F3: variants seen among roughly 807,000 people sequenced by gnomAD.
F3 encodes tissue factor.
Under a neutral mutation model 33.5 loss-of-function variants are expected in F3, and 18 were observed. The ratio of observed to expected loss-of-function variants is 0.54; its 90% CI spans 0.37 to 0.80. The LOEUF (loss-of-function observed/expected upper bound fraction) is 0.80, where lower values mean the gene tolerates loss of function less well. F3 is among the 30% of genes least tolerant of loss of function. The pLI, the probability that F3 is intolerant of heterozygous loss-of-function variation, is 0.00. For missense variants in F3, 353 were observed against 362.1 expected, an observed-to-expected ratio of 0.97 and a Z score of 0.20; for synonymous variants, 147 against 140.7, an observed-to-expected ratio of 1.05 and a Z score of -0.32.
At chr1:94,541,440 GC>G in intron 1 of F3, 96 bp downstream of exon 1, 2 of 985,602 alleles carry the variant, frequency 2.0e-6, no homozygotes, top group Non-Finnish European at 2.8e-6. Flanking sequence ...CAACATGGGC[GC>G]CCCGGGGAAC....
At chr1:94,535,745 G>A (rs1300700447) in intron 3 of F3, among the ~76,000 whole-genome samples, 1 of 152,074 alleles carries the variant, frequency 6.6e-6, no homozygotes, top group Admixed American at 6.5e-5. Flanking sequence ...GACAGACTGG[G>A]GGAGAAAGTT....
At chr1:94,533,334 T>G (rs932466419) in intron 3 of F3, 66 bp from the exon 4 acceptor site, 172 of 1,549,142 alleles carry the variant, frequency 1.1e-4, no homozygotes, top group Non-Finnish European at 1.3e-4. Flanking sequence ...TCCTGTTTTG[T>G]TATCACAATT....
At chr1:94,536,825 C>T (rs983530193) in intron 2 of F3, among the ~76,000 whole-genome samples, 3 of 152,212 alleles carry the variant, frequency 2.0e-5, no homozygotes, top group Admixed American at 2.0e-4. Flanking sequence ...TACATATATT[C>T]TCTCATGACC....
At chr1:94,535,824 G>A (rs994119722) in intron 3 of F3, 141 bp downstream of exon 3, 8 of 742,636 alleles carry the variant, frequency 1.1e-5, no homozygotes, top group Non-Finnish European at 1.8e-5. Context: ...TGGAATGTGT[G>A]AAGAGGGCTG....
At position 94,530,213 on chromosome 1, in the gene F3, A is replaced by G; in HGVS notation, c.*247T>C. On this transcript the variant is annotated 3_prime_UTR_variant, in exon 6 of 6. Coordinates refer to ENST00000334047, the MANE Select transcript of F3 (RefSeq NM_001993.5). ...TAATCTAAAGCATGTTATGTGCAAAAGGTGCCATGGTGTTAAAAATTAAAA... is the reference window on the plus strand; with the variant it reads ...TAATCTAAAGCATGTTATGTGCAAAGGGTGCCATGGTGTTAAAAATTAAAA... 2.5e-6 allele frequency: 1 copy of G among 393,428 alleles called. No individual in the cohort carries two copies. The highest frequency in any genetic ancestry group is 2.0e-5 in the African/African-American group (1 of 49,898). 24.4% of individuals were successfully genotyped at this position (393,428 alleles called of 1,614,324 possible). A position where few individuals can be genotyped will look rare whatever the true frequency, so the allele number is the denominator to read the frequency against.
chr1:94,540,649 T>C (rs1651744098), intron 1 of F3: 1 of 347,856 alleles, frequency 2.9e-6, no homozygotes. Flanking sequence ...TGTTATAACT[T>C]GACCGGGAAG....
chr1:94,532,351 A>G lies in F3; in HGVS notation c.721T>C (p.Cys241Arg), dbSNP rs779735894. The change falls in exon 5 of 6, where the codon TGT becomes CGT. Residue 241 changes from cysteine (C) to arginine (R), a missense_variant. Transcript: ENST00000334047. Reference sequence around the variant, plus strand: ...AATTCCCCTTTCTCCTGGCCCATACACTCTACCGGGCTGTCTGTACTCTTC... The same window carrying G: ...AATTCCCCTTTCTCCTGGCCCATACGCTCTACCGGGCTGTCTGTACTCTTC... The part of the protein sequence containing the change: ...NRKSTDSPVE[C>R]MGQEKGEFRE... 5.6e-6 allele frequency: 9 copies of G among 1,613,644 alleles called. No homozygotes were observed. Among genetic ancestry groups the G allele is most frequent in the Non-Finnish European group, 6.8e-6 (8 of 1,179,924 alleles).
rs1651379037 is a variant in F3 at position 94,530,223 on chromosome 1, G to T, written c.*237C>A. The T allele has an allele frequency of 2.3e-6, 1 of 441,302 alleles. No homozygotes were observed. Among genetic ancestry groups the T allele is most frequent in the African/African-American group, 2.0e-5 (1 of 51,232 alleles). The allele number at this position is 441,302 out of a possible 1,614,324, so 27.3% of individuals were successfully genotyped here. ...CATGTTATGTGCAAAAGGTGCCATG[G>T]TGTTAAAAATTAAAACTTGGAATTG... On this transcript the variant is annotated 3_prime_UTR_variant, in exon 6 of 6. Coordinates refer to ENST00000334047, the MANE Select transcript of F3 (RefSeq NM_001993.5).
chr1:94,535,681 G>A (rs935793314), intron 3 of F3, among the ~76,000 whole-genome samples: 3 of 151,772 alleles, frequency 2.0e-5, no homozygotes, highest in Non-Finnish European at 2.9e-5. Flanking sequence ...TCCCTGGCCC[G>A]CCCTCTCCCA....
Position 94,533,336 on chromosome 1 carries a change from A to G in F3, c.413-68T>C, listed in dbSNP as rs3917626. ...GTACAAAGTCAAATCCTGTTTTGTTATCACAATTGACAACTTAATTATCTC... is the reference window on the plus strand; with the variant it reads ...GTACAAAGTCAAATCCTGTTTTGTTGTCACAATTGACAACTTAATTATCTC... On this transcript the variant is annotated intron_variant, in intron 3 of 5. Coordinates refer to ENST00000334047, the MANE Select transcript of F3 (RefSeq NM_001993.5). 40 of 1,542,268 alleles carry G rather than the reference A, an allele frequency of 2.6e-5. 1 individual carries two copies. The African/African-American group carries it at 5.4e-4, about 21-fold the overall frequency.
chr1:94,532,967 T>C (rs1651475527), intron 4 of F3, 123 bp downstream of exon 4: 4 of 990,902 alleles, frequency 4.0e-6, no homozygotes, highest in African/African-American at 1.6e-5. Context: ...CGCTCCCCCT[T>C]CTACTCCATC....
At chr1:94,540,796 TG>T (rs935016106) in intron 1 of F3, 2 of 155,666 alleles carry the variant, frequency 1.3e-5, no homozygotes, top group African/African-American at 4.8e-5. Flanking sequence ...TGCATACAAA[TG>T]AAAAAAGCCA....
At chr1:94,536,840 T>A (rs1159468415) in intron 2 of F3, among the ~76,000 whole-genome samples, 1 of 152,188 alleles carries the variant, frequency 6.6e-6, no homozygotes, top group Non-Finnish European at 1.5e-5. Context: ...ATGACCACTA[T>A]TAATAATATT....
At chr1:94,535,800 C>A (rs1651585829) in intron 3 of F3, among the ~76,000 whole-genome samples, 165 bp downstream of exon 3, 1 of 152,084 alleles carries the variant, frequency 6.6e-6, no homozygotes, top group African/African-American at 2.4e-5. Context: ...ATTCTGTGAA[C>A]CTCCTACCAC....
rs1269173480 is a variant in F3 at position 94,536,062 on chromosome 1, T to C, written c.315A>G (p.Ala105=). 1 of 1,614,000 alleles carries C rather than the reference T, an allele frequency of 6.2e-7. No homozygotes were observed. The highest frequency in any genetic ancestry group is 1.3e-5 in the African/African-American group (1 of 74,902). ...TCCCTGCCGGGTAGGAGAAGACCCG[T>C]GCCAAGTACGTCTGCTTCACATCCT... is the stretch of plus-strand genomic sequence containing the variant. The part of the protein sequence containing the change: ...IVKDVKQTYL[A]RVFSYPAGNV... The change falls in exon 3 of 6, where the codon GCA becomes GCG. Residue 105 remains alanine (A), a synonymous_variant. Coordinates refer to ENST00000334047, the MANE Select transcript of F3 (RefSeq NM_001993.5).
At chr1:94,540,231 A>G (rs1651732501) in intron 2 of F3, 26 bp downstream of exon 2, 1 of 1,462,960 alleles carries the variant, frequency 6.8e-7, no homozygotes, top group Non-Finnish European at 9.6e-7. Flanking sequence ...AAAGACCTTA[A>G]TTTTCTTTTT....
chr1:94,533,460 G>T (rs947635940), intron 3 of F3, among the ~76,000 whole-genome samples, 192 bp from the exon 4 acceptor site: 1 of 152,150 alleles, frequency 6.6e-6, no homozygotes, highest in Non-Finnish European at 1.5e-5. Context: ...CTGGCCCAAG[G>T]GGAAGACAAT....
intron 5 of F3, among the ~76,000 whole-genome samples, chr1:94,531,452 C>T (rs1305717347): frequency 6.6e-6 from 1 of 152,030 alleles, no homozygotes; most frequent in Admixed American, 6.5e-5. Context: ...CAGACACGTG[C>T]AACCACACCC....
intron 4 of F3, 140 bp from the exon 5 acceptor site, chr1:94,532,620 C>T (rs1224152612): frequency 5.6e-6 from 5 of 885,706 alleles, no homozygotes. Context: ...TTAGAAGTGA[C>T]TTCGCTAATC....
Sources: allele counts gnomAD v4.1 joint callset (sites outside exome capture counted in the v4.1 genomes callset), GRCh38; gene constraint gnomAD v4.1.1; transcripts MANE v1.5; gene names NCBI Gene and HGNC (gene_info 2026-07-23, HGNC 2026-07-21).